Variants in CFHR4 observed in about 807,000 individuals in gnomAD.
CFHR4 encodes complement factor H-related protein 4.
CFHR4 carries 64 observed loss-of-function variants against 69.3 expected under a neutral mutation model. The ratio of observed to expected loss-of-function variants is 0.92; its 90% CI spans 0.76 to 1.14. The LOEUF (loss-of-function observed/expected upper bound fraction) is 1.14, where lower values mean the gene tolerates loss of function less well. Among genes scored for constraint, CFHR4 ranks in the 50% most tolerant of loss-of-function variants. The probability of loss-of-function intolerance (pLI) is 0.00; values close to 1 mark genes in which losing one functional copy is unlikely to be tolerated. For missense variants in CFHR4, 636 were observed against 684.9 expected (o/e 0.93, Z 0.80); for synonymous variants, 244 against 237.0 (o/e 1.03, Z -0.27).
rs114727460 is a variant in CFHR4 at position 196,906,827 on chromosome 1, T to C, written c.440-34T>C. 9.1e-3 allele frequency: 14,532 copies of C among 1,588,570 alleles called. 219 individuals are homozygous for C. The highest frequency in any genetic ancestry group is 0.011 in the Non-Finnish European group (12,552 of 1,168,784). The stretch of plus-strand genomic sequence containing the variant: ...TAGTCGAGTTGTACATCATATGGCA[T>C]AGAAAAGCAATCCTCAATTTTATTT... On this transcript the variant is annotated intron_variant, in intron 3 of 9. Transcript: ENST00000608469.
At chr1:196,913,937 C>T (rs927566264) in intron 7 of CFHR4, among the ~76,000 whole-genome samples, 4 of 151,358 alleles carry the variant, frequency 2.6e-5, no homozygotes, top group Non-Finnish European at 5.9e-5. Flanking sequence ...CTATGCTTAT[C>T]ATGGGCTCTG....
chr1:196,896,186 C>T (rs1332852679), intron 1 of CFHR4, among the ~76,000 whole-genome samples: 2 of 150,184 alleles, frequency 1.3e-5, no homozygotes, highest in Non-Finnish European at 3.0e-5. Flanking sequence ...GATTCTCCTC[C>T]TTCTACATGT....
chr1:196,914,936 T>G lies in CFHR4; in HGVS notation c.1358-20T>G, dbSNP rs778672161. 6.2e-7 allele frequency: 1 copy of G among 1,607,070 alleles called. No homozygotes were observed. The highest frequency in any genetic ancestry group is 2.2e-5 in the East Asian group (1 of 44,684). Reference sequence around the variant, plus strand: ...ATAAGACTATTGATTTTTCCCCACATATAAAGTATTTTTTTTCAGATTCTT... The same window carrying G: ...ATAAGACTATTGATTTTTCCCCACAGATAAAGTATTTTTTTTCAGATTCTT... On this transcript the variant is annotated intron_variant, in intron 8 of 9. Transcript: ENST00000608469.
rs1304962778 is a variant in CFHR4 at position 196,906,542 on chromosome 1, A to C, written c.440-319A>C. On this transcript the variant is annotated intron_variant, in intron 3 of 9. Transcript: ENST00000608469. ...CACAAAATTTTATCTTCTTTAAAAT[A>C]ATACATTATAGTGATAAAGGTAGAC... Among the ~76,000 whole-genome samples the C allele has an allele frequency of 2.0e-5, 3 of 151,606 alleles. No individual in the cohort carries two copies. In the East Asian group the frequency reaches 5.8e-4, roughly 29 times the overall value.
chr1:196,914,230 C>A (rs1323631893), intron 7 of CFHR4, among the ~76,000 whole-genome samples: 2 of 151,142 alleles, frequency 1.3e-5, no homozygotes, highest in Non-Finnish European at 2.9e-5. Flanking sequence ...AGATTTTTCA[C>A]AAATAAAAAT....
chr1:196,901,662 A>G (rs7546940), intron 1 of CFHR4, among the ~76,000 whole-genome samples: 122,024 of 150,942 alleles, frequency 0.81, 49,979 homozygotes, highest in Non-Finnish European at 0.83. Context: ...TGGAAATATC[A>G]AGTATAAGCC....
Position 196,903,666 on chromosome 1 carries a change from A to AAC in CFHR4, c.256+1055_256+1056dup, listed in dbSNP as rs558809489. On this transcript the variant is annotated intron_variant, in intron 2 of 9. Coordinates refer to ENST00000608469, the MANE Select transcript of CFHR4 (RefSeq NM_001201550.3). ...AGACTCTGTCTCAAGAAAAGAAAAA[A>AAC]ACACATATATATATATATGTATATA... Among the ~76,000 whole-genome samples the AAC allele has an allele frequency of 5.2e-3, 775 of 150,268 alleles. 10 individuals carry two copies. Among genetic ancestry groups the AAC allele is most frequent in the Non-Finnish European group, 6.6e-3 (450 of 67,816 alleles).
At chr1:196,902,820 C>T (rs1243657358) in intron 2 of CFHR4, among the ~76,000 whole-genome samples, 3 of 151,164 alleles carry the variant, frequency 2.0e-5, no homozygotes, top group Admixed American at 6.6e-5. Flanking sequence ...ATGAGAATAC[C>T]GATATAATTT....
chr1:196,895,488 A>G (rs1279883879), intron 1 of CFHR4, among the ~76,000 whole-genome samples: 1 of 151,404 alleles, frequency 6.6e-6, no homozygotes, highest in Admixed American at 6.6e-5. Flanking sequence ...TGTTATTCAG[A>G]TTCAATAATT....
chr1:196,917,435 T>A (rs1262416737), intron 9 of CFHR4, among the ~76,000 whole-genome samples: 14 of 150,464 alleles, frequency 9.3e-5, no homozygotes, highest in Non-Finnish European at 1.8e-4. Flanking sequence ...AAATTATAAA[T>A]TTTTTTACAA....
rs757517178 is a variant in CFHR4 at position 196,906,969 on chromosome 1, G to A, written c.548G>A (p.Ser183Asn). The A allele has an allele frequency of 2.0e-5, 32 of 1,612,518 alleles. No individual in the cohort carries two copies. The highest frequency in any genetic ancestry group is 2.6e-5 in the Non-Finnish European group (31 of 1,179,536). Reference protein sequence around the residue: ...DYECYDGYESSYGNTTDSIVC... With the variant: ...DYECYDGYESNYGNTTDSIVC... ...GAATGCTATGATGGATATGAAAGCA[G>A]TTATGGAAACACCACAGATTCCATA... The change falls in exon 4 of 10, where the codon AGT becomes AAT. Residue 183 changes from serine (S) to asparagine (N), a missense_variant. Transcript: ENST00000608469.
At chr1:196,912,120 A>T (rs1396551763) in intron 6 of CFHR4, among the ~76,000 whole-genome samples, 1 of 151,328 alleles carries the variant, frequency 6.6e-6, no homozygotes, top group Non-Finnish European at 1.5e-5. Flanking sequence ...GAACACATAC[A>T]TTACTAATAT....
Position 196,902,483 on chromosome 1 carries a change from C to T in CFHR4, c.124C>T (p.Leu42=). The change falls in exon 2 of 10, where the codon CTA becomes TTA. Residue 42 remains leucine, a synonymous_variant. Transcript: ENST00000608469. Reference sequence around the variant, plus strand: ...TCTATATTATAAGAGTTTGCGTAGACTATACTTTCCAGCAGCTGCAGGACA... The same window carrying T: ...TCTATATTATAAGAGTTTGCGTAGATTATACTTTCCAGCAGCTGCAGGACA... ...GGLYYKSLRR[L]YFPAAAGQSY... The T allele has an allele frequency of 6.2e-7, 1 of 1,611,898 alleles. No homozygotes were observed. Among genetic ancestry groups the T allele is most frequent in the Non-Finnish European group, 8.5e-7 (1 of 1,178,818 alleles).
chr1:196,914,769 A>G (rs1447278990), intron 8 of CFHR4, 98 bp downstream of exon 8: 1 of 1,403,908 alleles, frequency 7.1e-7, no homozygotes, highest in Non-Finnish European at 9.5e-7. Flanking sequence ...ATATGTACAT[A>G]TATATGTAGT....
chr1:196,904,379 G>A (rs983487062), intron 2 of CFHR4, among the ~76,000 whole-genome samples: 8 of 151,082 alleles, frequency 5.3e-5, no homozygotes, highest in Admixed American at 2.6e-4. Context: ...TAGTAAAATT[G>A]GTCCATTTAC....
intron 7 of CFHR4, among the ~76,000 whole-genome samples, chr1:196,913,426 C>T (rs1263162704): frequency 1.3e-5 from 2 of 151,366 alleles, no homozygotes; most frequent in African/African-American, 4.9e-5. Context: ...AAAATTATCT[C>T]TACCCTATTG....
At chr1:196,903,263 C>T (rs534780776) in intron 2 of CFHR4, among the ~76,000 whole-genome samples, 3 of 151,352 alleles carry the variant, frequency 2.0e-5, no homozygotes, top group African/African-American at 4.9e-5. Flanking sequence ...AAACAGAAGC[C>T]TATCTAGTTT....
chr1:196,913,287 T>G lies in CFHR4; in HGVS notation c.1180+365T>G, dbSNP rs564841202. Among the ~76,000 whole-genome samples, 30 of 151,652 alleles carry G rather than the reference T, an allele frequency of 2.0e-4. 1 individual carries two copies. The highest frequency in any genetic ancestry group is 7.0e-4 in the African/African-American group (29 of 41,200). On this transcript the variant is annotated intron_variant, in intron 7 of 9. Coordinates refer to ENST00000608469, the MANE Select transcript of CFHR4 (RefSeq NM_001201550.3). Reference sequence around the variant, plus strand: ...TTATCAACTGCTTGTATTGCATTCCTTGCTCACACTCAGAAAAGTTGTACA... The same window carrying G: ...TTATCAACTGCTTGTATTGCATTCCGTGCTCACACTCAGAAAAGTTGTACA...
At chr1:196,899,970 T>G (rs78239784) in intron 1 of CFHR4, among the ~76,000 whole-genome samples, 2,443 of 151,666 alleles carry the variant, frequency 0.016, 59 homozygotes, top group Non-Finnish European at 0.02. Context: ...AATTCACAAA[T>G]GAAATGCTAC....
Sources: gnomAD v4.1 joint callset for allele counts (sites outside exome capture counted in the v4.1 genomes callset) on GRCh38, gnomAD v4.1.1 for gene constraint, MANE v1.5 for transcripts, NCBI Gene and HGNC (gene_info 2026-07-23, HGNC 2026-07-21) for gene names.